Variants in AGAP3 observed in about 807,000 individuals in gnomAD.
The protein encoded by AGAP3 is ArfGAP with GTPase domain, ankyrin repeat and PH domain 3.
AGAP3 carries 24 observed loss-of-function variants against 96.9 expected under a neutral mutation model. The observed-to-expected ratio is 0.25, with a 90% CI of 0.18 to 0.35. AGAP3 has a LOEUF of 0.35. AGAP3 is among the 10% of genes least tolerant of loss of function. AGAP3 has a pLI of 1.00. For missense variants in AGAP3, 876 were observed against 1,254.2 expected (o/e 0.70, Z 4.55); for synonymous variants, 563 against 536.1 (o/e 1.05, Z -0.69).
chr7:151,120,156 G>A lies in AGAP3; in HGVS notation c.1128+11G>A. 1 of 1,584,548 alleles carries A rather than the reference G, an allele frequency of 6.3e-7. No individual in the cohort carries two copies. Among genetic ancestry groups the A allele is most frequent in the Non-Finnish European group, 8.6e-7 (1 of 1,161,276 alleles). ...TCCAACATCTTCACGGTACGTGACT[G>A]CCCTCCTCCCCCGCCCAGCTGCCTT... On this transcript the variant is annotated intron_variant, in intron 8 of 17. Transcript: ENST00000397238.
At chr7:151,120,359 C>T (rs990553683) in intron 8 of AGAP3, among the ~76,000 whole-genome samples, 22 of 152,176 alleles carry the variant, frequency 1.4e-4, no homozygotes, top group East Asian at 1.9e-4. Context: ...TTTCCAGTAG[C>T]GGCCCTTACC....
At chr7:151,138,012 C>A in intron 11 of AGAP3, 131 bp from the exon 12 acceptor site, 1 of 743,876 alleles carries the variant, frequency 1.3e-6, no homozygotes, top group Non-Finnish European at 2.2e-6. Context: ...GAAGCTGGCC[C>A]GCCACCTGAT....
chr7:151,132,525 C>A (rs1309217091), intron 10 of AGAP3, among the ~76,000 whole-genome samples: 1 of 152,210 alleles, frequency 6.6e-6, no homozygotes, highest in African/African-American at 2.4e-5. Flanking sequence ...TTGGTTAGTC[C>A]CCTGGTCCTC....
intron 1 of AGAP3, among the ~76,000 whole-genome samples, chr7:151,094,973 C>G (rs1798541803): frequency 6.6e-6 from 1 of 152,082 alleles, no homozygotes; most frequent in African/African-American, 2.4e-5. Context: ...TTCCTAAGCT[C>G]AAGCAATCCT....
At chr7:151,123,389 C>G (rs1008948103) in intron 8 of AGAP3, 1 of 1,073,806 alleles carries the variant, frequency 9.3e-7, no homozygotes. Flanking sequence ...CGTGTGGTGT[C>G]TGTGCCGCAG....
At chr7:151,103,868 G>A (rs1218261960) in intron 1 of AGAP3, among the ~76,000 whole-genome samples, 1 of 152,218 alleles carries the variant, frequency 6.6e-6, no homozygotes, top group African/African-American at 2.4e-5. Context: ...TCCTGGAACC[G>A]TGACGTGGGC....
At chr7:151,102,320 G>A (rs899833836) in intron 1 of AGAP3, among the ~76,000 whole-genome samples, 2 of 152,206 alleles carry the variant, frequency 1.3e-5, no homozygotes, top group Admixed American at 6.5e-5. Flanking sequence ...AATCACTGGC[G>A]TAGTATGTTT....
At position 151,142,573 on chromosome 7, in the gene AGAP3, G is replaced by A. The variant is rs769667197; in HGVS notation, c.2212G>A (p.Ala738Thr). The A allele has an allele frequency of 3.8e-5, 62 of 1,613,478 alleles. No homozygotes were observed. Among genetic ancestry groups the A allele is most frequent in the Admixed American group, 1.7e-4 (10 of 60,006 alleles). Residue 738 changes from alanine to threonine, a missense_variant, in exon 16 of 18, where the codon GCC (alanine) becomes ACC (threonine). Physicochemically the swap from Ala to Thr is moderately conservative, Grantham distance 58. This residue lies in a region of AGAP3 where 213 missense variants were observed against 253.8 expected (regional missense o/e 0.84). Coordinates refer to ENST00000397238, the MANE Select transcript of AGAP3 (RefSeq NM_031946.7). This position sits in a 1 kb window ranked among gnomAD's most constrained non-coding sequence, Gnocchi z 7.5. ...CATGACTGCCATGGGCAATGCCCTC[G>A]CCAACAGCGTCTGGGAGGGGGCCTT... ...AVMTAMGNAL[A>T]NSVWEGALGG... is the part of the protein sequence containing the mutation.
chr7:151,117,133 G>C lies in AGAP3; in HGVS notation c.429G>C (p.Leu143=). ...VGNLSSGKSA[L]VHRYLTGTYV... is the part of the protein sequence containing the mutation. ...ACCTGTCTAGCGGGAAGTCAGCCCT[G>C]GTGCACCGCTATCTGACGGGGACCT... The change falls in exon 3 of 18, where the codon CTG becomes CTC. Residue 143 remains leucine (L), a synonymous_variant. Transcript: ENST00000397238. 1 of 1,614,116 alleles carries C rather than the reference G, an allele frequency of 6.2e-7. No individual in the cohort carries two copies.
chr7:151,125,409 A>G (rs1278381554), intron 9 of AGAP3, among the ~76,000 whole-genome samples: 1 of 152,092 alleles, frequency 6.6e-6, no homozygotes, highest in Admixed American at 6.5e-5. Context: ...GTTCTGGTCC[A>G]GTCTTAGAGT....
rs1800735752 is a variant in AGAP3, at chr7:151,139,448, G to C, written c.1667-531G>C. On this transcript the variant is annotated intron_variant, in intron 12 of 17. Transcript: ENST00000397238. The surrounding 1 kb of genome is among the most constrained non-coding windows in gnomAD (Gnocchi z 4.9). ...GGCCTGCGTGAGGGCCCTCTGTTGA[G>C]TCTGGAAGGAGGAAGGCAGGAAGGG... 6.6e-6 allele frequency: 1 copy of C among 152,398 alleles called. No homozygotes were observed. Among genetic ancestry groups the C allele is most frequent in the African/African-American group, 2.4e-5 (1 of 41,460 alleles). The allele number at this position is 152,398 out of a possible 1,614,324, so 9.4% of individuals were successfully genotyped here. A position where few individuals can be genotyped will look rare whatever the true frequency, so the allele number is the denominator to read the frequency against.
chr7:151,106,768 T>C (rs1001569081), intron 1 of AGAP3, among the ~76,000 whole-genome samples: 1 of 152,160 alleles, frequency 6.6e-6, no homozygotes, highest in Non-Finnish European at 1.5e-5. Context: ...GCTGAGGTTA[T>C]AGGAGTGAGC....
rs12534443 is a variant in AGAP3, at chr7:151,109,055, C to T, written c.332-7738C>T. Among the ~76,000 whole-genome samples the T allele has an allele frequency of 7.2e-3, 1,092 of 151,838 alleles. 4 individuals are homozygous for T. The highest frequency in any genetic ancestry group is 0.024 in the South Asian group (114 of 4,792). On this transcript the variant is annotated intron_variant, in intron 1 of 17. Transcript: ENST00000397238. Reference sequence around the variant, plus strand: ...ACCTAAGTCTGTTCCTAGCTGGCTGCGGTGGCCCATGCCTGTAATCCCAGC... The same window carrying T: ...ACCTAAGTCTGTTCCTAGCTGGCTGTGGTGGCCCATGCCTGTAATCCCAGC...
In AGAP3 at chr7:151,120,100, C is replaced by A; in HGVS notation, c.1083C>A (p.Pro361=). Residue 361 remains proline (P), a synonymous_variant, in exon 8 of 18, where the codon CCC becomes CCA. Transcript: ENST00000397238. ...AGACCATCGCTGCCTCCTCCACCCCCACACCCATCCGAAAGCAGTCCAAGC... is the reference window on the plus strand; with the variant it reads ...AGACCATCGCTGCCTCCTCCACCCCAACACCCATCCGAAAGCAGTCCAAGC... ...RIETIAASST[P]TPIRKQSKRR... 6.2e-7 allele frequency: 1 copy of A among 1,613,814 alleles called. No homozygotes were observed. The highest frequency in any genetic ancestry group is 8.5e-7 in the Non-Finnish European group (1 of 1,179,840).
In AGAP3 at chr7:151,140,011, C is replaced by A. The variant is rs1323036065; in HGVS notation, c.1699C>A (p.Pro567Thr). 6 of 1,596,154 alleles carry A rather than the reference C, an allele frequency of 3.8e-6. No homozygotes were observed. The highest frequency in any genetic ancestry group is 5.1e-6 in the Non-Finnish European group (6 of 1,172,192). ...SGPAEVLSSS[P>T]KLDPPPSPHS... ...CCCAGCTGAGGTACTCAGTTCCAGC[C>A]CCAAGCTGGATCCTCCCCCATCTCC... Residue 567 changes from proline to threonine, a missense_variant, in exon 13 of 18, where the codon CCC becomes ACC. Physicochemically the swap from Pro to Thr is conservative, Grantham distance 38. Coordinates refer to ENST00000397238, the MANE Select transcript of AGAP3 (RefSeq NM_031946.7). The surrounding 1 kb of genome is among the most constrained non-coding windows in gnomAD (Gnocchi z 5.4).
At chr7:151,127,105 C>T (rs944050900) in intron 9 of AGAP3, among the ~76,000 whole-genome samples, 3 of 152,154 alleles carry the variant, frequency 2.0e-5, no homozygotes, top group African/African-American at 4.8e-5. Flanking sequence ...GTCCAGGAAA[C>T]GGGAATCTCT....
chr7:151,114,780 G>T lies in AGAP3; in HGVS notation c.332-2013G>T. 1 of 1,033,176 alleles carries T rather than the reference G, an allele frequency of 9.7e-7. No individual in the cohort carries two copies. Among genetic ancestry groups the T allele is most frequent in the South Asian group, 4.0e-5 (1 of 24,812 alleles). The allele number at this position is 1,033,176 out of a possible 1,614,324, so 64.0% of individuals were successfully genotyped here. A position where few individuals can be genotyped will look rare whatever the true frequency, so the allele number is the denominator to read the frequency against. On this transcript the variant is annotated intron_variant, in intron 1 of 17. Coordinates refer to ENST00000397238, the MANE Select transcript of AGAP3 (RefSeq NM_031946.7). This position sits in a 1 kb window ranked among gnomAD's most constrained non-coding sequence, Gnocchi z 4.4. The stretch of plus-strand genomic sequence containing the variant: ...CCCGCCGGCCCTGAGCATGGAGCGG[G>T]GCTGGCCGCAGGGGGACAGCTGTCC...
intron 1 of AGAP3, among the ~76,000 whole-genome samples, chr7:151,102,666 A>G (rs1798881407): frequency 6.6e-6 from 1 of 151,542 alleles, no homozygotes; most frequent in South Asian, 2.1e-4. Flanking sequence ...GCTGGAGCGC[A>G]GTGTCATGGT....
chr7:151,092,685 AT>A (rs1435751052), intron 1 of AGAP3, among the ~76,000 whole-genome samples: 1 of 152,112 alleles, frequency 6.6e-6, no homozygotes, highest in African/African-American at 2.4e-5. Flanking sequence ...AAGTATTTCC[AT>A]TTCACAAGTG....
Sources: gnomAD v4.1 joint callset for allele counts (sites outside exome capture counted in the v4.1 genomes callset) on GRCh38, gnomAD v4.1.1 for gene constraint, gnomAD v4.1.1 regional missense constraint, Gnocchi (gnomAD v3.1) non-coding constraint, MANE v1.5 for transcripts, NCBI Gene and HGNC (gene_info 2026-07-23, HGNC 2026-07-21) for gene names.